Variants in TG observed in about 807,000 individuals in gnomAD.
The protein encoded by TG is thyroid hormones.
TG carries 270 observed loss-of-function variants against 324.7 expected under a neutral mutation model. The ratio of observed to expected loss-of-function variants is 0.83; its 90% confidence interval spans 0.75 to 0.92. The LOEUF (loss-of-function observed/expected upper bound fraction) is 0.92. TG is among the 40% of genes least tolerant of loss of function. TG has a pLI of 0.00. For synonymous variants in TG, 1,401 were observed against 1,327.0 expected (o/e 1.06, Z -1.21); for missense variants, 3,591 against 3,456.4 (o/e 1.04, Z -0.98).
At chr8:132,891,845 C>T (rs1030100617) in intron 10 of TG, among the ~76,000 whole-genome samples, 2 of 152,064 alleles carry the variant, frequency 1.3e-5, no homozygotes, top group African/African-American at 4.8e-5. Flanking sequence ...TCTGTTGATC[C>T]CATGCTCTCA....
chr8:133,015,725 C>T (rs1296535942), intron 37 of TG, among the ~76,000 whole-genome samples: 3 of 152,194 alleles, frequency 2.0e-5, no homozygotes, highest in African/African-American at 7.2e-5. Flanking sequence ...GTCCTGAGTG[C>T]TTGCCCAAGA....
chr8:133,090,871 C>T (rs1447682943), intron 41 of TG, among the ~76,000 whole-genome samples: 1 of 152,086 alleles, frequency 6.6e-6, no homozygotes, highest in Non-Finnish European at 1.5e-5. Flanking sequence ...GGCCTCACCC[C>T]GCACCCCCCG....
chr8:132,966,460 C>CTT, intron 29 of TG, 100 bp from the exon 30 acceptor site: 3 of 1,117,998 alleles, frequency 2.7e-6, no homozygotes, highest in Admixed American at 4.2e-5. Context: ...CTCTCTGTCT[C>CTT]TCTCTCTGTG....
intron 36 of TG, 116 bp downstream of exon 36, chr8:133,012,151 A>G: frequency 1.4e-6 from 2 of 1,463,016 alleles, no homozygotes; most frequent in East Asian, 4.6e-5. Flanking sequence ...GATGCTTGGA[A>G]GTAAGGGATT....
intron 40 of TG, among the ~76,000 whole-genome samples, chr8:133,027,527 GCCC>G (rs1836215039): frequency 6.6e-6 from 1 of 152,196 alleles, no homozygotes; most frequent in African/African-American, 2.4e-5. Context: ...AGAGGGGGCG[GCCC>G]CTGGGCAGTG....
At chr8:133,047,123 G>C (rs1247158470) in intron 41 of TG, 2 of 152,290 alleles carry the variant, frequency 1.3e-5, no homozygotes, top group Non-Finnish European at 2.9e-5. Context: ...CTTAGAGAGA[G>C]AGAAGCAGTA....
chr8:132,908,421 A>C, intron 18 of TG, 81 bp downstream of exon 18: 4 of 853,998 alleles, frequency 4.7e-6, no homozygotes, highest in Admixed American at 3.8e-5. Context: ...GGCTCACATT[A>C]ACACAGAGGC....
chr8:132,902,696 T>G (rs1206824261), intron 16 of TG, among the ~76,000 whole-genome samples: 2 of 152,214 alleles, frequency 1.3e-5, no homozygotes, highest in African/African-American at 4.8e-5. Flanking sequence ...GGGTCCACCT[T>G]AAGTCAGATA....
chr8:133,102,896 G>A lies in TG; in HGVS notation c.7572+6523G>A, dbSNP rs1009294533. 3.6e-5 allele frequency: 12 copies of A among 328,902 alleles called. No homozygotes were observed. The Admixed American group carries it at 4.6e-4, about 13-fold the overall frequency. 20.4% of individuals were successfully genotyped at this position (328,902 alleles called of 1,614,324 possible). A position where few individuals can be genotyped will look rare whatever the true frequency, so the allele number is the denominator to read the frequency against. On this transcript the variant is annotated intron_variant, in intron 43 of 47. Coordinates refer to ENST00000220616, the MANE Select transcript of TG (RefSeq NM_003235.5). The stretch of plus-strand genomic sequence containing the variant: ...TCGTCTGGGAGCAGGTGGAGTGGGG[G>A]CCCTGTGGGTAGCAGTAGGGGGAGG...
At chr8:132,954,947 A>AG (rs1826629773) in intron 27 of TG, among the ~76,000 whole-genome samples, 1 of 152,168 alleles carries the variant, frequency 6.6e-6, no homozygotes, top group African/African-American at 2.4e-5. Context: ...CTCACTGTCT[A>AG]GCAGAGGGGC....
chr8:133,096,415 T>A (rs1564186767), intron 43 of TG, 42 bp downstream of exon 43: 1 of 1,611,666 alleles, frequency 6.2e-7, no homozygotes, highest in Non-Finnish European at 8.5e-7. Context: ...GCTGGGCATT[T>A]CCTAAGGGCT....
At chr8:133,096,140 C>T (rs919797456) in intron 42 of TG, 66 bp from the exon 43 acceptor site, 21 of 1,584,410 alleles carry the variant, frequency 1.3e-5, no homozygotes, top group Non-Finnish European at 1.6e-5. Context: ...ATGGTTAAGA[C>T]CTCTTTATGC....
At position 132,900,220 on chromosome 8, in the gene TG, C is replaced by A. The variant is rs1224404921; in HGVS notation, c.3331-17C>A. On this transcript the variant is annotated splice_polypyrimidine_tract_variant and intron_variant, in intron 14 of 47. Transcript: ENST00000220616. ...ATCTTGCCCACAGTGACTGACATGA[C>A]CCCGGCTTTGTCTCAGACAGGAGAG... is the stretch of plus-strand genomic sequence containing the variant. 1 of 1,611,240 alleles carries A rather than the reference C, an allele frequency of 6.2e-7. No individual in the cohort carries two copies. Among genetic ancestry groups the A allele is most frequent in the South Asian group, 1.1e-5 (1 of 90,520 alleles).
intron 38 of TG, 89 bp from the exon 39 acceptor site, chr8:133,019,513 G>A (rs978257532): frequency 9.1e-7 from 1 of 1,104,634 alleles, no homozygotes. Flanking sequence ...CCAGGCTTTG[G>A]AATGGGGTAG....
chr8:133,075,337 G>A (rs140579149), intron 41 of TG, among the ~76,000 whole-genome samples: 6 of 152,210 alleles, frequency 3.9e-5, no homozygotes, highest in East Asian at 1.9e-4. Context: ...CTCTGATTTC[G>A]GTTTCCCAAT....
At chr8:132,941,994 A>T (rs975769527) in intron 26 of TG, among the ~76,000 whole-genome samples, 1 of 152,206 alleles carries the variant, frequency 6.6e-6, no homozygotes, top group African/African-American at 2.4e-5. Flanking sequence ...ACCATCATTC[A>T]TTCAACAATG....
chr8:133,074,774 GTC>G (rs1158598863), intron 41 of TG: 1 of 854,684 alleles, frequency 1.2e-6, no homozygotes, highest in African/African-American at 1.8e-5. Flanking sequence ...ACTCCAGAAA[GTC>G]AACCCCTGCC....
intron 43 of TG, among the ~76,000 whole-genome samples, chr8:133,112,428 A>G (rs1320077614): frequency 1.3e-5 from 2 of 152,206 alleles, no homozygotes; most frequent in South Asian, 2.1e-4. Context: ...GTCTTCAGAA[A>G]GGAGGAAACT....
At chr8:133,101,502 C>T (rs1158670384) in intron 43 of TG, among the ~76,000 whole-genome samples, 1 of 152,194 alleles carries the variant, frequency 6.6e-6, no homozygotes, top group African/African-American at 2.4e-5. Context: ...ATGCCTTTTA[C>T]TCCATCCTCT....
Sources: gnomAD v4.1 joint callset for allele counts (sites outside exome capture counted in the v4.1 genomes callset) on GRCh38, gnomAD v4.1.1 for gene constraint, MANE v1.5 for transcripts, NCBI Gene and HGNC (gene_info 2026-07-23, HGNC 2026-07-21) for gene names.